The following AFG3L2 variants were observed in gnomAD, a reference collection of about 807,000 sequenced individuals.
AFG3L2 encodes AFG3 like matrix AAA peptidase subunit 2, also known as mitochondrial inner membrane m-AAA protease component AFG3L2.
AFG3L2 carries 54 observed loss-of-function variants against 94.5 expected under a neutral mutation model. The ratio of observed to expected loss-of-function variants is 0.57; its 90% CI spans 0.46 to 0.72. The LOEUF (loss-of-function observed/expected upper bound fraction) is 0.72. Ranked by LOEUF, AFG3L2 falls within the 30% of genes least tolerant of loss-of-function variation. The pLI, the probability that AFG3L2 is intolerant of heterozygous loss-of-function variation, is 0.00. For synonymous variants in AFG3L2, 377 were observed against 365.5 expected, an observed-to-expected ratio of 1.03 and a Z score of -0.36; for missense variants, 754 against 994.9, an observed-to-expected ratio of 0.76 and a Z score of 3.26.
intron 13 of AFG3L2, among the ~76,000 whole-genome samples, chr18:12,344,472 C>T (rs201885423): frequency 3.6e-4 from 55 of 151,998 alleles, no homozygotes; most frequent in Middle Eastern, 6.8e-3. Flanking sequence ...GTGAGGAGTT[C>T]GAGACCAGCC....
rs771454711 is a variant in AFG3L2, at chr18:12,367,127, G to A, written c.400-10C>T. On this transcript the variant is annotated splice_polypyrimidine_tract_variant and intron_variant, in intron 4 of 16. Transcript: ENST00000269143. ...CCCATGGAATGTCACCCTGGGCAGA[G>A]AGGGAGACAGCTTCTGTGAAGAATG... The A allele has an allele frequency of 7.4e-6, 12 of 1,614,064 alleles. No individual in the cohort carries two copies. Among genetic ancestry groups the A allele is most frequent in the Non-Finnish European group, 1.0e-5 (12 of 1,180,028 alleles).
At chr18:12,360,577 C>A (rs1464215430) in intron 6 of AFG3L2, among the ~76,000 whole-genome samples, 2 of 152,168 alleles carry the variant, frequency 1.3e-5, no homozygotes, top group African/African-American at 2.4e-5. Flanking sequence ...GAGCACCGCA[C>A]CCCACTGTGC....
intron 3 of AFG3L2, among the ~76,000 whole-genome samples, chr18:12,370,480 CTTTTTTTTTTGA>C (rs1908949300): frequency 3.5e-5 from 2 of 57,516 alleles, no homozygotes; most frequent in Non-Finnish European, 6.8e-5. Context: ...TTTTTTTTTT[CTTTTTTTTTTGA>C]GACAGGGTCT....
chr18:12,354,953 G>A (rs1053349477), intron 9 of AFG3L2, among the ~76,000 whole-genome samples: 3 of 152,230 alleles, frequency 2.0e-5, no homozygotes, highest in Non-Finnish European at 2.9e-5. Flanking sequence ...GGTGGCTCAC[G>A]CCTGTAATCC....
intron 16 of AFG3L2, among the ~76,000 whole-genome samples, chr18:12,330,581 C>T (rs1318207947): frequency 6.6e-6 from 1 of 152,100 alleles, no homozygotes; most frequent in Non-Finnish European, 1.5e-5. Flanking sequence ...AGTTCGACAC[C>T]AGCCTGGCCA....
At chr18:12,358,570 C>G (rs1908563270) in intron 8 of AFG3L2, 100 bp downstream of exon 8, 1 of 1,443,786 alleles carries the variant, frequency 6.9e-7, no homozygotes, top group Middle Eastern at 2.4e-4. Context: ...AGAGGAAGGA[C>G]AGAAAAACAG....
chr18:12,344,620 A>G (rs985469177), intron 13 of AFG3L2, among the ~76,000 whole-genome samples: 1 of 151,892 alleles, frequency 6.6e-6, no homozygotes, highest in Admixed American at 6.6e-5. Flanking sequence ...GTTGCAGTGA[A>G]CTGAGATCAT....
At chr18:12,338,971 G>T (rs1181102684) in intron 15 of AFG3L2, among the ~76,000 whole-genome samples, 6 of 151,952 alleles carry the variant, frequency 3.9e-5, no homozygotes, top group Non-Finnish European at 8.8e-5. Context: ...AAGGTTTCTC[G>T]GGGCCGGGCA....
At chr18:12,347,654 G>A (rs1407211404) in intron 13 of AFG3L2, among the ~76,000 whole-genome samples, 2 of 151,608 alleles carry the variant, frequency 1.3e-5, no homozygotes, top group South Asian at 2.1e-4. Flanking sequence ...GGGTTCAAGC[G>A]ATTCTCCTGC....
chr18:12,365,151 C>T (rs902456826), intron 5 of AFG3L2, among the ~76,000 whole-genome samples: 14 of 152,196 alleles, frequency 9.2e-5, no homozygotes, highest in Admixed American at 2.0e-4. Context: ...GGGCTGGAAT[C>T]GGGGAGCAAC....
chr18:12,340,459 A>C (rs1907912822), intron 14 of AFG3L2, 58 bp from the exon 15 acceptor site: 2 of 1,330,612 alleles, frequency 1.5e-6, no homozygotes, highest in Non-Finnish European at 2.2e-6. Context: ...TGATCAAAAC[A>C]TCTGTGTATA....
intron 3 of AFG3L2, among the ~76,000 whole-genome samples, chr18:12,369,666 A>T (rs1197485710): frequency 2.0e-5 from 3 of 150,970 alleles, no homozygotes; most frequent in Non-Finnish European, 4.4e-5. Context: ...GGTTGCAGTG[A>T]GATCGTGCCA....
At position 12,329,600 on chromosome 18, in the gene AFG3L2, T is replaced by C. The variant is rs761546721; in HGVS notation, c.2359A>G (p.Lys787Glu). ...KDWNKEREKEKEEPPGEKVAN is the reference protein window; with the variant it reads ...KDWNKEREKEEEEPPGEKVAN ...ACTTTCTCACCCGGGGGCTCCTCTTTCTCCTTTTCCCGCTCCTTGTTCCAG... is the reference window on the plus strand; with the variant it reads ...ACTTTCTCACCCGGGGGCTCCTCTTCCTCCTTTTCCCGCTCCTTGTTCCAG... The change falls in exon 17 of 17, where the codon AAA becomes GAA. Residue 787 changes from lysine (K) to glutamate (E), a missense_variant. Physicochemically the swap from Lys to Glu is moderately conservative, Grantham distance 56. Around this residue, in one of 4 missense-constraint regions of AFG3L2, gnomAD observed 279 missense variants for 378.6 expected, o/e 0.74. Coordinates refer to ENST00000269143, the MANE Select transcript of AFG3L2 (RefSeq NM_006796.3). 13 of 1,614,026 alleles carry C rather than the reference T, an allele frequency of 8.1e-6. No individual in the cohort carries two copies. The highest frequency in any genetic ancestry group is 1.1e-5 in the Non-Finnish European group (13 of 1,180,044).
chr18:12,329,357 A>C lies in AFG3L2; in HGVS notation c.*208T>G. ...CCAATGAGGCTATGGGACAGTGTGCATTTCCCTCAAGGCCTCCGGAAAGTC... is the reference window on the plus strand; with the variant it reads ...CCAATGAGGCTATGGGACAGTGTGCCTTTCCCTCAAGGCCTCCGGAAAGTC... On this transcript the variant is annotated 3_prime_UTR_variant, in exon 17 of 17. Transcript: ENST00000269143. 1 of 673,804 alleles carries C rather than the reference A, an allele frequency of 1.5e-6. No individual in the cohort carries two copies. The highest frequency in any genetic ancestry group is 2.7e-6 in the Non-Finnish European group (1 of 374,484). 41.7% of individuals were successfully genotyped at this position (673,804 alleles called of 1,614,324 possible).
chr18:12,331,813 ATATAT>A (rs1907537776), intron 16 of AFG3L2, among the ~76,000 whole-genome samples: 17 of 3,032 alleles, frequency 5.6e-3, no homozygotes, highest in Admixed American at 7.4e-3. Flanking sequence ...AAATAAATAT[ATATAT>A]ATATATATAT....
rs1187682152 is a variant in AFG3L2, at chr18:12,344,685, AAATT to A, written c.1664-442_1664-439del. Among the ~76,000 whole-genome samples, 595 of 151,536 alleles carry A rather than the reference AAATT, an allele frequency of 3.9e-3. 2 individuals carry two copies. Among genetic ancestry groups the A allele is most frequent in the African/African-American group, 0.014 (576 of 40,914 alleles). On this transcript the variant is annotated intron_variant, in intron 13 of 16. Transcript: ENST00000269143. ...TAAGAATCCGTCTCAAAAAAAAAAA[AAATT>A]AAATTAAGTTAAAAATTTTTTTAAA...
chr18:12,350,761 CATA>C (rs1324183049), intron 12 of AFG3L2, among the ~76,000 whole-genome samples: 2 of 152,118 alleles, frequency 1.3e-5, no homozygotes, highest in South Asian at 2.1e-4. Flanking sequence ...GCCTGTGCAA[CATA>C]ATAAGTAAGA....
At chr18:12,360,186 GAC>G (rs1428695429) in intron 6 of AFG3L2, 135 bp from the exon 7 acceptor site, 1 of 852,360 alleles carries the variant, frequency 1.2e-6, no homozygotes, top group African/African-American at 1.7e-5. Flanking sequence ...AATAATAAAA[GAC>G]TGGCTTTAAT....
chr18:12,343,976 C>A, intron 14 of AFG3L2, 156 bp downstream of exon 14: 4 of 678,140 alleles, frequency 5.9e-6, no homozygotes, highest in Non-Finnish European at 1.1e-5. Flanking sequence ...ATCTATGGGA[C>A]GGTTTGTGCA....
Sources: gnomAD v4.1 joint callset for allele counts (sites outside exome capture counted in the v4.1 genomes callset) on GRCh38, gnomAD v4.1.1 for gene constraint, gnomAD v4.1.1 regional missense constraint, MANE v1.5 for transcripts, NCBI Gene and HGNC (gene_info 2026-07-23, HGNC 2026-07-21) for gene names.